The following TNFRSF11A variants were observed in gnomAD, a reference collection of about 807,000 sequenced individuals.
The protein encoded by TNFRSF11A is TNF receptor superfamily member 11a.
Under a neutral mutation model 55.7 loss-of-function variants are expected in TNFRSF11A, and 32 were observed. That is an observed-to-expected ratio of 0.57 (90% CI 0.43 to 0.77). The LOEUF (loss-of-function observed/expected upper bound fraction) is 0.77, where lower values mean the gene tolerates loss of function less well. TNFRSF11A is among the 30% of genes least tolerant of loss of function. The pLI is 0.00. For missense variants in TNFRSF11A, 753 were observed against 809.8 expected, an observed-to-expected ratio of 0.93 and a Z score of 0.85; for synonymous variants, 311 against 331.0, an observed-to-expected ratio of 0.94 and a Z score of 0.65.
chr18:62,371,374 G>C (rs1370944911), intron 9 of TNFRSF11A, among the ~76,000 whole-genome samples: 3 of 152,154 alleles, frequency 2.0e-5, no homozygotes, highest in East Asian at 1.9e-4. Context: ...GAGAGAGAGA[G>C]ACACATGGAT....
Position 62,348,506 on chromosome 18 carries a change from C to T in TNFRSF11A, c.157+257C>T, listed in dbSNP as rs116657285. Among the ~76,000 whole-genome samples, 240 of 152,288 alleles carry T rather than the reference C, an allele frequency of 1.6e-3. 2 individuals carry two copies. Among genetic ancestry groups the T allele is most frequent in the African/African-American group, 5.4e-3 (225 of 41,542 alleles). On this transcript the variant is annotated intron_variant, in intron 2 of 9. Coordinates refer to ENST00000586569, the MANE Select transcript of TNFRSF11A (RefSeq NM_003839.4). ...TGGGCTGAAACACAATTTTCCAAAA[C>T]ACTATTTCTCGAGATGGCAAGAAGT...
Position 62,368,718 on chromosome 18 carries a change from T to C in TNFRSF11A, c.801T>C (p.Ser267=). The change falls in exon 9 of 10, where the codon AGT becomes AGC. Residue 267 remains serine, a synonymous_variant. Transcript: ENST00000586569. The part of the protein sequence containing the change: ...LSGDKESSGD[S]CVSTHTANFG... The stretch of plus-strand genomic sequence containing the variant: ...ATCGGCAGGAGTCCTCAGGTGACAG[T>C]TGTGTCAGTACACACACGGCAAACT... 6.2e-7 allele frequency: 1 copy of C among 1,614,244 alleles called. No individual in the cohort carries two copies. Among genetic ancestry groups the C allele is most frequent in the Non-Finnish European group, 8.5e-7 (1 of 1,180,048 alleles).
chr18:62,350,505 G>A (rs2046451553), intron 3 of TNFRSF11A, among the ~76,000 whole-genome samples: 1 of 152,026 alleles, frequency 6.6e-6, no homozygotes, highest in African/African-American at 2.4e-5. Flanking sequence ...TGTTAGCCAG[G>A]ATGGTCTCGA....
At chr18:62,359,541 G>A (rs1909516475) in intron 5 of TNFRSF11A, among the ~76,000 whole-genome samples, 1 of 151,976 alleles carries the variant, frequency 6.6e-6, no homozygotes, top group African/African-American at 2.4e-5. Flanking sequence ...ACCGCACCCA[G>A]CTGATTTTTA....
chr18:62,361,551 G>GT lies in TNFRSF11A; in HGVS notation c.617-129_617-128insT. 7 of 861,916 alleles carry GT rather than the reference G, an allele frequency of 8.1e-6. 1 individual carries two copies. In the South Asian group the frequency reaches 9.3e-5, roughly 11 times the overall value. 53.4% of individuals were successfully genotyped at this position (861,916 alleles called of 1,614,324 possible). ...CGCGGACAAAGGGCAGCCAAGGGTGGGGACTGTCACTTCTGCTATCCCAGA... is the reference window on the plus strand; with the variant it reads ...CGCGGACAAAGGGCAGCCAAGGGTGGTGGACTGTCACTTCTGCTATCCCAGA... On this transcript the variant is annotated intron_variant, in intron 6 of 9. Coordinates refer to ENST00000586569, the MANE Select transcript of TNFRSF11A (RefSeq NM_003839.4).
intron 3 of TNFRSF11A, among the ~76,000 whole-genome samples, chr18:62,351,002 C>CTTT (rs71160826): frequency 0.026 from 3,152 of 122,592 alleles, 73 homozygotes; most frequent in Non-Finnish European, 0.041. Context: ...TTTTTTCTTT[C>CTTT]TTTTTTTTTT....
chr18:62,354,643 T>G, intron 4 of TNFRSF11A, 109 bp downstream of exon 4: 1 of 1,508,750 alleles, frequency 6.6e-7, no homozygotes, highest in Non-Finnish European at 9.0e-7. Context: ...TAGGCAGCAT[T>G]GGAGGAACCT....
intron 7 of TNFRSF11A, among the ~76,000 whole-genome samples, chr18:62,362,209 C>T (rs764690752): frequency 2.6e-5 from 4 of 151,898 alleles, no homozygotes; most frequent in Non-Finnish European, 4.4e-5. Flanking sequence ...TAAGAACCTT[C>T]GGTGGGTGTG....
intron 1 of TNFRSF11A, among the ~76,000 whole-genome samples, chr18:62,332,986 C>T (rs1448745455): frequency 1.3e-5 from 2 of 152,174 alleles, no homozygotes; most frequent in East Asian, 1.9e-4. Context: ...AGTGGAGAAT[C>T]GGGCAGGGGG....
At chr18:62,338,964 T>C (rs1166620696) in intron 1 of TNFRSF11A, among the ~76,000 whole-genome samples, 1 of 152,134 alleles carries the variant, frequency 6.6e-6, no homozygotes, top group African/African-American at 2.4e-5. Flanking sequence ...CTCCTGCAGA[T>C]TTTGCCATCC....
At chr18:62,382,218 C>T (rs928078037) in intron 9 of TNFRSF11A, among the ~76,000 whole-genome samples, 10 of 145,316 alleles carry the variant, frequency 6.9e-5, no homozygotes, top group Admixed American at 1.4e-4. Flanking sequence ...TCAAGCACTT[C>T]TCCTACCTCA....
intron 4 of TNFRSF11A, among the ~76,000 whole-genome samples, chr18:62,354,789 T>G (rs1336853559): frequency 6.6e-6 from 1 of 152,218 alleles, no homozygotes; most frequent in Non-Finnish European, 1.5e-5. Context: ...GGCCAGGGGT[T>G]GCTGGGGCTC....
chr18:62,341,544 A>G (rs917577298), intron 1 of TNFRSF11A, among the ~76,000 whole-genome samples: 2 of 152,160 alleles, frequency 1.3e-5, no homozygotes, highest in South Asian at 2.1e-4. Context: ...TGGAAGTTAC[A>G]TATACTTTTA....
At chr18:62,342,566 G>A (rs1026773583) in intron 1 of TNFRSF11A, among the ~76,000 whole-genome samples, 8 of 152,024 alleles carry the variant, frequency 5.3e-5, no homozygotes, top group African/African-American at 1.4e-4. Flanking sequence ...AATCACCATG[G>A]TGGGACGTTT....
intron 1 of TNFRSF11A, among the ~76,000 whole-genome samples, chr18:62,329,673 G>T (rs1014988317): frequency 6.6e-6 from 1 of 152,166 alleles, no homozygotes; most frequent in Non-Finnish European, 1.5e-5. Flanking sequence ...AACTTTTGAG[G>T]TTTAAAACCG....
intron 9 of TNFRSF11A, among the ~76,000 whole-genome samples, chr18:62,371,178 G>A (rs1910524001): frequency 6.6e-6 from 1 of 152,156 alleles, no homozygotes; most frequent in Admixed American, 6.6e-5. Context: ...TGGTTGTGGA[G>A]ACAGACAGGA....
chr18:62,363,510 G>A lies in TNFRSF11A; in HGVS notation c.730+1717G>A, dbSNP rs532261238. ...CAGCCTCCTGAGTACCTGGGATTAC[G>A]GGCATTTGCCACCATGCCTGGCTAA... On this transcript the variant is annotated intron_variant, in intron 7 of 9. Transcript: ENST00000586569. Among the ~76,000 whole-genome samples, 39 of 151,110 alleles carry A rather than the reference G, an allele frequency of 2.6e-4. 1 individual carries two copies. In the South Asian group the frequency reaches 5.5e-3, roughly 21 times the overall value.
chr18:62,364,443 A>G (rs1483732455), intron 7 of TNFRSF11A, among the ~76,000 whole-genome samples: 1 of 152,136 alleles, frequency 6.6e-6, no homozygotes, highest in Non-Finnish European at 1.5e-5. Flanking sequence ...GTAGCAAACA[A>G]ATGTGTGGTA....
chr18:62,357,347 A>G (rs1295106982), intron 4 of TNFRSF11A, among the ~76,000 whole-genome samples: 1 of 152,240 alleles, frequency 6.6e-6, no homozygotes, highest in Non-Finnish European at 1.5e-5. Flanking sequence ...AGTAGAGGGA[A>G]TAGGCATAGG....
Sources: gnomAD v4.1 joint callset for allele counts (sites outside exome capture counted in the v4.1 genomes callset) on GRCh38, gnomAD v4.1.1 for gene constraint, MANE v1.5 for transcripts, NCBI Gene and HGNC (gene_info 2026-07-23, HGNC 2026-07-21) for gene names.